The following FAM228B variants were observed in gnomAD, a reference collection of about 807,000 sequenced individuals.
The protein encoded by FAM228B is family with sequence similarity 228 member B.
In FAM228B, 38 loss-of-function variants were observed where a neutral mutation model predicts 42.6. The ratio of observed to expected loss-of-function variants is 0.89; its 90% CI spans 0.69 to 1.17. FAM228B has a LOEUF of 1.17. Ranked by LOEUF, FAM228B falls within the 50% of genes most tolerant of loss-of-function variation. The probability of loss-of-function intolerance (pLI) is 0.00; values close to 1 mark genes in which losing one functional copy is unlikely to be tolerated. For missense variants in FAM228B, 344 were observed against 367.3 expected (o/e 0.94, Z 0.52); for synonymous variants, 109 against 122.3 (o/e 0.89, Z 0.72).
chr2:24,119,518 G>T, upstream of FAM228B: 2 of 1,239,618 alleles, frequency 1.6e-6, no homozygotes, highest in Non-Finnish European at 1.2e-6. Flanking sequence ...TCTGTTACTC[G>T]TAGTCGGAAG....
intron 9 of FAM228B, 60 bp from the exon 10 acceptor site, chr2:24,167,567 A>G (rs1667454052): frequency 3.2e-6 from 5 of 1,548,940 alleles, no homozygotes; most frequent in Admixed American, 2.0e-5. Context: ...CAGTCTGTTC[A>G]GTAACTAATA....
At chr2:24,102,126 A>G (rs983046319) in intron 3 of FAM228B, among the ~76,000 whole-genome samples, 2 of 152,190 alleles carry the variant, frequency 1.3e-5, no homozygotes, top group African/African-American at 4.8e-5. Flanking sequence ...TCTATCATCA[A>G]AAGTTGTTTT....
chr2:24,109,075 A>C (rs1428331885), intron 3 of FAM228B, among the ~76,000 whole-genome samples: 1 of 151,760 alleles, frequency 6.6e-6, no homozygotes, highest in Non-Finnish European at 1.5e-5. Context: ...AAACAGACAT[A>C]TAGACCAATG....
At chr2:24,097,946 G>A (rs1043555288) in intron 3 of FAM228B, among the ~76,000 whole-genome samples, 16 of 152,200 alleles carry the variant, frequency 1.1e-4, no homozygotes, top group African/African-American at 1.9e-4. Context: ...TCAGACCACA[G>A]TGCAATCAAA....
At chr2:24,100,857 C>G (rs1276459420) in intron 3 of FAM228B, among the ~76,000 whole-genome samples, 6 of 152,144 alleles carry the variant, frequency 3.9e-5, no homozygotes, top group Non-Finnish European at 5.9e-5. Flanking sequence ...AGACTTGGAA[C>G]CAACCCAAAT....
intron 7 of FAM228B, among the ~76,000 whole-genome samples, chr2:24,150,538 C>G (rs1667000971): frequency 6.6e-6 from 1 of 152,032 alleles, no homozygotes; most frequent in South Asian, 2.1e-4. Context: ...GATTCTTGTG[C>G]CTCAGCCTCC....
Position 24,084,253 on chromosome 2 carries a change from G to A in FAM228B, c.-210+3298G>A. On this transcript the variant is annotated intron_variant, in intron 2 of 10. Transcript: ENST00000613899. This position sits in a 1 kb window ranked among gnomAD's most constrained non-coding sequence, Gnocchi z 8.4. ...CTTCAGGAGGACTTCACCCTCCCCC[G>A]GGCTCGGCTTGGCCACCTCCTTCAC... 6.2e-7 allele frequency: 1 copy of A among 1,613,858 alleles called. No homozygotes were observed. Among genetic ancestry groups the A allele is most frequent in the Non-Finnish European group, 8.5e-7 (1 of 1,179,914 alleles).
At chr2:24,154,649 C>G (rs192261589) in intron 7 of FAM228B, among the ~76,000 whole-genome samples, 2 of 152,180 alleles carry the variant, frequency 1.3e-5, no homozygotes, top group Non-Finnish European at 2.9e-5. Flanking sequence ...GAAGAAGCCA[C>G]CCTTTCCTCT....
rs1376844070 is a variant in FAM228B at position 24,146,943 on chromosome 2, A to G, written c.543A>G (p.Ser181=). The G allele has an allele frequency of 6.4e-7, 1 of 1,551,252 alleles. No individual in the cohort carries two copies. The highest frequency in any genetic ancestry group is 2.0e-5 in the Admixed American group (1 of 50,972). ...LLQCETGKIY[S]IKEFKEVEKV... ...TTCTTCCTTCAGGCAAAATATATTC[A>G]ATAAAGGAATTCAAAGAAGTTGAGA... is the stretch of plus-strand genomic sequence containing the variant. The change falls in exon 7 of 11, where the codon TCA becomes TCG. Residue 181 remains serine, a synonymous_variant. Coordinates refer to ENST00000615575, the MANE Select transcript of FAM228B (RefSeq NM_001145710.2).
Position 24,164,183 on chromosome 2 carries a change from G to T in FAM228B, c.795-15G>T. 6.5e-7 allele frequency: 1 copy of T among 1,540,972 alleles called. No individual in the cohort carries two copies. Among genetic ancestry groups the T allele is most frequent in the South Asian group, 1.2e-5 (1 of 82,372 alleles). On this transcript the variant is annotated splice_polypyrimidine_tract_variant and intron_variant, in intron 8 of 10. Coordinates refer to ENST00000615575, the MANE Select transcript of FAM228B (RefSeq NM_001145710.2). ...GAGTTAAGAGAATCCCTTCCTTTCT[G>T]GTTCCTTCCTGCAGAAACAAAGGGT...
At position 24,124,348 on chromosome 2, in the gene FAM228B, T is replaced by C. The variant is rs1407442722; in HGVS notation, c.-14T>C. On this transcript the variant is annotated 5_prime_UTR_variant, in exon 2 of 11. Coordinates refer to ENST00000615575, the MANE Select transcript of FAM228B (RefSeq NM_001145710.2). Reference sequence around the variant, plus strand: ...TTTTTAGTTTTTCCAGGGGCATTGTTATTTGTGACCACAATGAAAAATGTA... The same window carrying C: ...TTTTTAGTTTTTCCAGGGGCATTGTCATTTGTGACCACAATGAAAAATGTA... 1.3e-6 allele frequency: 2 copies of C among 1,511,854 alleles called. No individual in the cohort carries two copies. Among genetic ancestry groups the C allele is most frequent in the East Asian group, 2.5e-5 (1 of 40,752 alleles). 93.7% of individuals were successfully genotyped at this position (1,511,854 alleles called of 1,614,324 possible).
chr2:24,080,215 G>C lies in FAM228B; in HGVS notation c.-289-661G>C, dbSNP rs1351102839. On this transcript the variant is annotated intron_variant, in intron 1 of 10. Transcript: ENST00000613899. The surrounding 1 kb of genome is among the most constrained non-coding windows in gnomAD (Gnocchi z 4.7). The stretch of plus-strand genomic sequence containing the variant: ...CTACTAAAAATACAAAAATTAGCTG[G>C]GCGTGGTGGTGCGCCTGTGATCTCA... 6.6e-6 allele frequency among the ~76,000 whole-genome samples: 1 copy of C among 151,948 alleles called. No individual in the cohort carries two copies. Among genetic ancestry groups the C allele is most frequent in the East Asian group, 1.9e-4 (1 of 5,182 alleles).
upstream of FAM228B, chr2:24,121,371 A>G (rs1666113630): frequency 6.8e-7 from 1 of 1,473,972 alleles, no homozygotes; most frequent in African/African-American, 1.4e-5. Context: ...TTAGCCCACT[A>G]CCTGTTTTTT....
At chr2:24,146,649 C>T (rs1558390053) in intron 5 of FAM228B, 99 bp from the exon 6 acceptor site, 11 of 690,464 alleles carry the variant, frequency 1.6e-5, no homozygotes, top group Admixed American at 6.1e-5. Context: ...TTTACCCTCC[C>T]GGCATAAGAG....
At chr2:24,138,187 C>T (rs1666654031) in intron 4 of FAM228B, 87 bp downstream of exon 4, 4 of 1,007,170 alleles carry the variant, frequency 4.0e-6, no homozygotes, top group Non-Finnish European at 5.8e-6. Flanking sequence ...TCAGTCTGTC[C>T]CTGTCCCCTC....
intron 9 of FAM228B, chr2:24,166,567 G>A (rs1409393664): frequency 6.6e-6 from 1 of 152,066 alleles, no homozygotes; most frequent in Non-Finnish European, 1.5e-5. Flanking sequence ...TGAGGGGCTG[G>A]AGACACAGTG....
intron 2 of FAM228B, chr2:24,083,221 C>A: frequency 6.8e-7 from 1 of 1,476,372 alleles, no homozygotes; most frequent in Non-Finnish European, 9.0e-7. Flanking sequence ...CCCTGGCCCC[C>A]CTTCCAAGAT....
At chr2:24,165,183 T>A (rs1288623853) in intron 9 of FAM228B, among the ~76,000 whole-genome samples, 1 of 152,064 alleles carries the variant, frequency 6.6e-6, no homozygotes, top group Non-Finnish European at 1.5e-5. Flanking sequence ...TTAGAGGAAT[T>A]GCCCAGTGTC....
intron 3 of FAM228B, among the ~76,000 whole-genome samples, chr2:24,117,481 C>T (rs766636179): frequency 4.6e-5 from 7 of 150,984 alleles, no homozygotes; most frequent in Non-Finnish European, 8.8e-5. Flanking sequence ...CTCGCTGTGA[C>T]GCCCAGGCTG....
Sources: gnomAD v4.1 joint callset for allele counts (sites outside exome capture counted in the v4.1 genomes callset) on GRCh38, gnomAD v4.1.1 for gene constraint, Gnocchi (gnomAD v3.1) non-coding constraint, MANE v1.5 for transcripts, NCBI Gene and HGNC (gene_info 2026-07-23, HGNC 2026-07-21) for gene names.